The following CD72 variants were observed in gnomAD, a reference collection of about 807,000 sequenced individuals.
The protein encoded by CD72 is B-cell differentiation antigen CD72.
In CD72, 28 loss-of-function variants were observed where a neutral mutation model predicts 50.7. That is an observed-to-expected ratio of 0.55 (90% CI 0.41 to 0.76). CD72 has a LOEUF of 0.76. Ranked by LOEUF, CD72 falls within the 30% of genes least tolerant of loss-of-function variation. The pLI, the probability that CD72 is intolerant of heterozygous loss-of-function variation, is 0.00. For synonymous variants in CD72, 176 were observed against 171.2 expected (o/e 1.03, Z -0.22); for missense variants, 403 against 420.6 (o/e 0.96, Z 0.37).
At chr9:35,643,704 T>G (rs749215831) in intron 1 of CD72, among the ~76,000 whole-genome samples, 1 of 152,102 alleles carries the variant, frequency 6.6e-6, no homozygotes, top group African/African-American at 2.4e-5. Flanking sequence ...GGGGCCGGGC[T>G]GGGTAACTCA....
chr9:35,615,963 A>G lies in CD72; in HGVS notation c.668T>C (p.Phe223Ser). 1 of 1,613,546 alleles carries G rather than the reference A, an allele frequency of 6.2e-7. No individual in the cohort carries two copies. The highest frequency in any genetic ancestry group is 1.3e-5 in the African/African-American group (1 of 74,882). The change falls in exon 5 of 9, where the codon TTC becomes TCC. Residue 223 changes from phenylalanine to serine, a missense_variant. Coordinates refer to ENST00000259633, the MANE Select transcript of CD72 (RefSeq NM_001782.3). ...LSNMENRLKP[F>S]FTCGSADTCC... ...GATACCTGCTGAGCCGCATGTGAAG[A>G]AGGGCTTCAGTCTGTTCTCCATGTT...
intron 1 of CD72, among the ~76,000 whole-genome samples, chr9:35,632,369 A>T (rs1457600568): frequency 6.6e-6 from 1 of 151,682 alleles, no homozygotes; most frequent in African/African-American, 2.4e-5. Context: ...ACGGGGTTTC[A>T]CCGTGTTAGC....
At chr9:35,631,018 T>C (rs368956954) in intron 1 of CD72, among the ~76,000 whole-genome samples, 1 of 152,220 alleles carries the variant, frequency 6.6e-6, no homozygotes, top group Admixed American at 6.5e-5. Context: ...ATCATTATTA[T>C]CCTAAGAATT....
chr9:35,629,046 A>T (rs988218568), intron 1 of CD72, among the ~76,000 whole-genome samples: 6 of 146,654 alleles, frequency 4.1e-5, no homozygotes, highest in African/African-American at 7.5e-5. Flanking sequence ...GGCTAATTAA[A>T]TTTTTTTTTT....
intron 1 of CD72, chr9:35,646,249 ATCC>A (rs1823391213): frequency 6.6e-6 from 1 of 152,058 alleles, no homozygotes; most frequent in Non-Finnish European, 1.5e-5. Flanking sequence ...ATGTGTCCCT[ATCC>A]TCCTAGCTAG....
chr9:35,633,235 C>A (rs960069398), intron 1 of CD72, among the ~76,000 whole-genome samples: 5 of 151,522 alleles, frequency 3.3e-5, no homozygotes, highest in African/African-American at 1.2e-4. Context: ...AGCCACTGTG[C>A]CTGGGCCTTC....
intron 1 of CD72, among the ~76,000 whole-genome samples, chr9:35,635,148 G>C (rs1399067929): frequency 6.6e-6 from 1 of 152,174 alleles, no homozygotes; most frequent in Non-Finnish European, 1.5e-5. Context: ...CTTAAAGTAT[G>C]TAAGATTTCC....
intron 5 of CD72, among the ~76,000 whole-genome samples, chr9:35,614,743 G>A (rs563039306): frequency 1.3e-5 from 2 of 152,286 alleles, no homozygotes; most frequent in African/African-American, 4.8e-5. Context: ...GCTCACGACT[G>A]TAATCTCAGC....
chr9:35,633,151 A>G (rs1203879232), intron 1 of CD72, among the ~76,000 whole-genome samples: 1 of 148,360 alleles, frequency 6.7e-6, no homozygotes, highest in Admixed American at 6.7e-5. Flanking sequence ...CATGTTGCCC[A>G]GGCTGGTTTC....
intron 1 of CD72, among the ~76,000 whole-genome samples, chr9:35,632,582 T>G (rs1380956944): frequency 6.6e-6 from 1 of 151,080 alleles, no homozygotes; most frequent in Non-Finnish European, 1.5e-5. Context: ...TTATTAGCTT[T>G]TTTTTTTTTT....
chr9:35,617,977 C>A (rs1313421792), intron 2 of CD72, 37 bp downstream of exon 2: 1 of 1,211,444 alleles, frequency 8.3e-7, no homozygotes, highest in Non-Finnish European at 1.2e-6. Context: ...CAAGACACAG[C>A]CCCCCAACAA....
chr9:35,617,587 C>T (rs1295756854), intron 2 of CD72, among the ~76,000 whole-genome samples: 1 of 152,094 alleles, frequency 6.6e-6, no homozygotes, highest in East Asian at 1.9e-4. Flanking sequence ...CATGGCTCCC[C>T]GTTTCCCATT....
At chr9:35,635,946 T>C (rs190457561) in intron 1 of CD72, among the ~76,000 whole-genome samples, 2 of 152,308 alleles carry the variant, frequency 1.3e-5, no homozygotes, top group African/African-American at 2.4e-5. Flanking sequence ...AGTATCACTA[T>C]TAACAAATAA....
chr9:35,615,901 C>CCAAT, intron 5 of CD72, 42 bp downstream of exon 5: 1 of 1,520,030 alleles, frequency 6.6e-7, no homozygotes, highest in Non-Finnish European at 9.1e-7. Context: ...TCTCCTTGCT[C>CCAAT]CAATCCATCC....
intron 1 of CD72, among the ~76,000 whole-genome samples, chr9:35,630,356 A>AT (rs35793867): frequency 1.3e-5 from 2 of 151,872 alleles, no homozygotes. Flanking sequence ...GAATTTCTCT[A>AT]TTTTTTCTCA....
At position 35,610,033 on chromosome 9, in the gene CD72, A is replaced by C; in HGVS notation, c.*290T>G. 2 of 366,256 alleles carry C rather than the reference A, an allele frequency of 5.5e-6. No homozygotes were observed. Among genetic ancestry groups the C allele is most frequent in the East Asian group, 4.9e-5 (1 of 20,270 alleles). 22.7% of individuals were successfully genotyped at this position (366,256 alleles called of 1,614,324 possible). The stretch of plus-strand genomic sequence containing the variant: ...GCCTGGCTGGCTCCGGGCCGCCCCT[A>C]TCCGCTCAGCCCGTGCGCCCTCCTC... On this transcript the variant is annotated 3_prime_UTR_variant, in exon 9 of 9. Coordinates refer to ENST00000259633, the MANE Select transcript of CD72 (RefSeq NM_001782.3).
intron 2 of CD72, 66 bp from the exon 3 acceptor site, chr9:35,617,313 C>T (rs551967200): frequency 9.5e-6 from 14 of 1,479,802 alleles, no homozygotes; most frequent in Non-Finnish European, 1.2e-5. Flanking sequence ...CTCCTGCGCA[C>T]CCGCTTCGCC....
chr9:35,645,859 AG>A (rs1282200606), intron 1 of CD72, among the ~76,000 whole-genome samples: 1 of 151,542 alleles, frequency 6.6e-6, no homozygotes, highest in African/African-American at 2.4e-5. Flanking sequence ...CCCACCTATA[AG>A]TAATTTCTTA....
Position 35,610,050 on chromosome 9 carries a change from G to A in CD72, c.*273C>T, listed in dbSNP as rs1420922632. 1.9e-5 allele frequency: 6 copies of A among 321,900 alleles called. No individual in the cohort carries two copies. Among genetic ancestry groups the A allele is most frequent in the East Asian group, 5.8e-5 (1 of 17,364 alleles). 19.9% of individuals were successfully genotyped at this position (321,900 alleles called of 1,614,324 possible). A position where few individuals can be genotyped will look rare whatever the true frequency, so the allele number is the denominator to read the frequency against. ...CCGCCCCTATCCGCTCAGCCCGTGCGCCCTCCTCCCCCACCCCATTCTACC... is the reference window on the plus strand; with the variant it reads ...CCGCCCCTATCCGCTCAGCCCGTGCACCCTCCTCCCCCACCCCATTCTACC... On this transcript the variant is annotated 3_prime_UTR_variant, in exon 9 of 9. Transcript: ENST00000259633.
Sources: gnomAD v4.1 joint callset for allele counts (sites outside exome capture counted in the v4.1 genomes callset) on GRCh38, gnomAD v4.1.1 for gene constraint, MANE v1.5 for transcripts, NCBI Gene and HGNC (gene_info 2026-07-23, HGNC 2026-07-21) for gene names.